The following RAB8A variants were observed in gnomAD, a reference collection of about 807,000 sequenced individuals.
RAB8A encodes ras-related protein Rab-8A.
Under a neutral mutation model 29.2 loss-of-function variants are expected in RAB8A, and 5 were observed. That is an observed-to-expected ratio of 0.17 (90% confidence interval 0.09 to 0.36). RAB8A has a LOEUF of 0.36. RAB8A is among the 10% of genes least tolerant of loss of function. RAB8A has a pLI of 1.00. For synonymous variants in RAB8A, 108 were observed against 99.9 expected, an observed-to-expected ratio of 1.08 and a Z score of -0.49; for missense variants, 171 against 272.2, an observed-to-expected ratio of 0.63 and a Z score of 2.62.
chr19:16,115,528 C>T (rs1255292382), intron 1 of RAB8A, among the ~76,000 whole-genome samples: 1 of 152,150 alleles, frequency 6.6e-6, no homozygotes, highest in Non-Finnish European at 1.5e-5. Context: ...CCTCAGGGGC[C>T]CATTGATTCC....
Position 16,132,365 on chromosome 19 carries a change from C to CCCCTCACTCAGCCGGGG in RAB8A, c.*67_*83dup. 6.6e-7 allele frequency: 1 copy of CCCCTCACTCAGCCGGGG among 1,525,178 alleles called. No individual in the cohort carries two copies. Among genetic ancestry groups the CCCCTCACTCAGCCGGGG allele is most frequent in the Non-Finnish European group, 9.0e-7 (1 of 1,111,760 alleles). The allele number at this position is 1,525,178 out of a possible 1,614,324, so 94.5% of individuals were successfully genotyped here. A position where few individuals can be genotyped will look rare whatever the true frequency, so the allele number is the denominator to read the frequency against. On this transcript the variant is annotated 3_prime_UTR_variant, in exon 8 of 8. Transcript: ENST00000300935. This position sits in a 1 kb window ranked among gnomAD's most constrained non-coding sequence, Gnocchi z 5.6. ...GCTGACTGTGCCTGTTCTGAGTGAG[C>CCCCTCACTCAGCCGGGG]CCCTCACTCAGCCGGGGCCCTCCCA...
intron 1 of RAB8A, among the ~76,000 whole-genome samples, chr19:16,113,521 C>T (rs2090833072): frequency 6.6e-6 from 1 of 152,138 alleles, no homozygotes; most frequent in African/African-American, 2.4e-5. Flanking sequence ...CCTGCCTCAG[C>T]CTCCCTAGTA....
Position 16,127,800 on chromosome 19 carries a change from C to A in RAB8A, c.415-226C>A. 4 of 627,634 alleles carry A rather than the reference C, an allele frequency of 6.4e-6. No homozygotes were observed. In the Admixed American group the frequency reaches 7.6e-5, roughly 12 times the overall value. 38.9% of individuals were successfully genotyped at this position (627,634 alleles called of 1,614,324 possible). A position where few individuals can be genotyped will look rare whatever the true frequency, so the allele number is the denominator to read the frequency against. On this transcript the variant is annotated intron_variant, in intron 5 of 7. Coordinates refer to ENST00000300935, the MANE Select transcript of RAB8A (RefSeq NM_005370.5). The surrounding 1 kb of genome is among the most constrained non-coding windows in gnomAD (Gnocchi z 4.8). Reference sequence around the variant, plus strand: ...TAGTTTGATCCCAGCAGGTCCCCGCCACCCTCCCATCTCAGCTGCCATCCC... The same window carrying A: ...TAGTTTGATCCCAGCAGGTCCCCGCAACCCTCCCATCTCAGCTGCCATCCC...
intron 6 of RAB8A, among the ~76,000 whole-genome samples, chr19:16,128,647 C>A (rs2090912303): frequency 6.6e-6 from 1 of 152,210 alleles, no homozygotes; most frequent in Admixed American, 6.5e-5. Context: ...GGCTAGACTC[C>A]TTGCCTGGCG....
At chr19:16,120,471 C>A (rs1311392260) in intron 2 of RAB8A, among the ~76,000 whole-genome samples, 13 of 151,836 alleles carry the variant, frequency 8.6e-5, no homozygotes, top group Non-Finnish European at 1.5e-5. Flanking sequence ...TGCCACCATG[C>A]CTGGCTAACT....
chr19:16,118,170 G>T, intron 1 of RAB8A, 56 bp from the exon 2 acceptor site: 1 of 1,540,392 alleles, frequency 6.5e-7, no homozygotes, highest in South Asian at 1.1e-5. Context: ...GCCCAGCTCA[G>T]ACACAACTTG....
At chr19:16,130,359 G>A (rs1040934048) in intron 7 of RAB8A, among the ~76,000 whole-genome samples, 3 of 152,188 alleles carry the variant, frequency 2.0e-5, no homozygotes, top group South Asian at 4.2e-4. Context: ...AGCACACGGC[G>A]CTCTATTTGT....
rs940669790 is a variant in RAB8A, at chr19:16,127,408, G to C, written c.325-29G>C. The stretch of plus-strand genomic sequence containing the variant: ...GCACCTGGCCTGTGTCATCCGGTCT[G>C]ATCCCCCGTCTGTCCCCCTCCCTCT... On this transcript the variant is annotated intron_variant, in intron 4 of 7. Transcript: ENST00000300935. The surrounding 1 kb of genome is among the most constrained non-coding windows in gnomAD (Gnocchi z 4.8). The C allele has an allele frequency of 1.4e-6, 2 of 1,418,136 alleles. No individual in the cohort carries two copies. Among genetic ancestry groups the C allele is most frequent in the African/African-American group, 2.9e-5 (2 of 68,826 alleles). 87.8% of individuals were successfully genotyped at this position (1,418,136 alleles called of 1,614,324 possible). A position where few individuals can be genotyped will look rare whatever the true frequency, so the allele number is the denominator to read the frequency against.
intron 3 of RAB8A, 105 bp downstream of exon 3, chr19:16,121,915 C>A: frequency 1.8e-6 from 2 of 1,135,260 alleles, no homozygotes; most frequent in Non-Finnish European, 2.6e-6. Flanking sequence ...GAGCCCGTGC[C>A]CCAACTCCTC....
chr19:16,122,064 A>T lies in RAB8A; in HGVS notation c.246+254A>T. 1 of 421,292 alleles carries T rather than the reference A, an allele frequency of 2.4e-6. No individual in the cohort carries two copies. Among genetic ancestry groups the T allele is most frequent in the Non-Finnish European group, 4.3e-6 (1 of 229,910 alleles). 26.1% of individuals were successfully genotyped at this position (421,292 alleles called of 1,614,324 possible). A position where few individuals can be genotyped will look rare whatever the true frequency, so the allele number is the denominator to read the frequency against. On this transcript the variant is annotated intron_variant, in intron 3 of 7. Coordinates refer to ENST00000300935, the MANE Select transcript of RAB8A (RefSeq NM_005370.5). This position sits in a 1 kb window ranked among gnomAD's most constrained non-coding sequence, Gnocchi z 4.7. ...AAACATAATTCTTTGGGAATGAAGA[A>T]AGACACAGGAAGCCGGTTCTTCCAG...
rs181719848 is a variant in RAB8A at position 16,132,034 on chromosome 19, G to A, written c.532-178G>A. ...TGATGGATGGATGGTTGGATGGCTC[G>A]TTGGTTAGTTGGTTGGTTTGGCTGG... is the stretch of plus-strand genomic sequence containing the variant. On this transcript the variant is annotated intron_variant, in intron 7 of 7. Transcript: ENST00000300935. The surrounding 1 kb of genome is among the most constrained non-coding windows in gnomAD (Gnocchi z 5.6). Among the ~76,000 whole-genome samples, 3 of 151,790 alleles carry A rather than the reference G, an allele frequency of 2.0e-5. No individual in the cohort carries two copies. The highest frequency in any genetic ancestry group is 1.9e-4 in the East Asian group (1 of 5,162).
rs1441698654 is a variant in RAB8A at position 16,112,340 on chromosome 19, G to A, written c.124+315G>A. On this transcript the variant is annotated intron_variant, in intron 1 of 7. Coordinates refer to ENST00000300935, the MANE Select transcript of RAB8A (RefSeq NM_005370.5). ...ATCTGTCCTAGCAGCAGCCCTCGAA[G>A]CGGTTCTTTTGAGGCTCTTGCCTTA... 4.1e-5 allele frequency: 13 copies of A among 314,314 alleles called. No individual in the cohort carries two copies. The South Asian group carries it at 4.3e-4, about 10-fold the overall frequency. 19.5% of individuals were successfully genotyped at this position (314,314 alleles called of 1,614,324 possible). A position where few individuals can be genotyped will look rare whatever the true frequency, so the allele number is the denominator to read the frequency against.
In RAB8A at chr19:16,126,008, T is replaced by G. The variant is rs10425512; in HGVS notation, c.324+461T>G. On this transcript the variant is annotated intron_variant, in intron 4 of 7. Transcript: ENST00000300935. ...CCTTGAACCATAGAGCAGTGAGAAG[T>G]AGGCCAACCCCTCCTCCCCTCCCAA... 708 of 230,620 alleles carry G rather than the reference T, an allele frequency of 3.1e-3. 1 individual carries two copies. Among genetic ancestry groups the G allele is most frequent in the African/African-American group, 0.014 (653 of 45,548 alleles). The allele number at this position is 230,620 out of a possible 1,614,324, so 14.3% of individuals were successfully genotyped here. A position where few individuals can be genotyped will look rare whatever the true frequency, so the allele number is the denominator to read the frequency against.
chr19:16,114,247 A>T (rs1202292208), intron 1 of RAB8A, among the ~76,000 whole-genome samples: 1 of 152,068 alleles, frequency 6.6e-6, no homozygotes, highest in Non-Finnish European at 1.5e-5. Context: ...CAGCCTGGGC[A>T]ACAGAGCGAG....
At position 16,128,034 on chromosome 19, in the gene RAB8A, C is replaced by T. The variant is rs2090909417; in HGVS notation, c.423C>T (p.Leu141=). The T allele has an allele frequency of 1.2e-6, 2 of 1,614,170 alleles. No homozygotes were observed. The highest frequency in any genetic ancestry group is 1.7e-6 in the Non-Finnish European group (2 of 1,180,018). The change falls in exon 6 of 8, where the codon CTC becomes CTT. Residue 141 remains leucine, a synonymous_variant. Transcript: ENST00000300935. ...VSKERGEKLA[L]DYGIKFMETS... ...GCCTCCCTCTCTCACAGCTGGCCCT[C>T]GACTATGGAATCAAGTTCATGGAGA...
At chr19:16,128,977 G>A (rs535363845) in intron 6 of RAB8A, among the ~76,000 whole-genome samples, 9 of 152,308 alleles carry the variant, frequency 5.9e-5, no homozygotes, top group African/African-American at 1.9e-4. Context: ...TCAAGGCTGT[G>A]ACAGCAGCTC....
At position 16,125,711 on chromosome 19, in the gene RAB8A, G is replaced by A. The variant is rs567838128; in HGVS notation, c.324+164G>A. 160 of 749,224 alleles carry A rather than the reference G, an allele frequency of 2.1e-4. No homozygotes were observed. Among genetic ancestry groups the A allele is most frequent in the South Asian group, 1.8e-3 (121 of 67,652 alleles). 46.4% of individuals were successfully genotyped at this position (749,224 alleles called of 1,614,324 possible). A position where few individuals can be genotyped will look rare whatever the true frequency, so the allele number is the denominator to read the frequency against. On this transcript the variant is annotated intron_variant, in intron 4 of 7. Transcript: ENST00000300935. The surrounding 1 kb of genome is among the most constrained non-coding windows in gnomAD (Gnocchi z 5.0). ...AGCAGGGACTGAGATGCAAGCAGCC[G>A]GCCCCAGGGACCACACACTGGCCTG...
intron 1 of RAB8A, among the ~76,000 whole-genome samples, chr19:16,115,186 G>A (rs2090841069): frequency 6.6e-6 from 1 of 152,120 alleles, no homozygotes; most frequent in East Asian, 1.9e-4. Context: ...TACTCAGGAG[G>A]CTGAGGCAGG....
intron 1 of RAB8A, among the ~76,000 whole-genome samples, chr19:16,117,195 T>TTGG (rs2090850018): frequency 1.3e-5 from 2 of 151,976 alleles, no homozygotes; most frequent in Admixed American, 1.3e-4. Context: ...TACTAGAAAG[T>TTGG]TTGGAGCAGA....
Sources: gnomAD v4.1 joint callset for allele counts (sites outside exome capture counted in the v4.1 genomes callset) on GRCh38, gnomAD v4.1.1 for gene constraint, Gnocchi (gnomAD v3.1) non-coding constraint, MANE v1.5 for transcripts, NCBI Gene and HGNC (gene_info 2026-07-23, HGNC 2026-07-21) for gene names.